B4GALNT4: variants seen among roughly 807,000 people sequenced by gnomAD.
B4GALNT4 encodes beta-1,4-N-acetyl-galactosaminyltransferase 4, also known as N-acetyl-beta-glucosaminyl-glycoprotein 4-beta-N-acetylgalactosaminyltransferase 1.
B4GALNT4 carries 77 observed loss-of-function variants against 110.0 expected under a neutral mutation model. The observed-to-expected ratio is 0.70, with a 90% CI of 0.58 to 0.85. The LOEUF (loss-of-function observed/expected upper bound fraction) is 0.85, where lower values mean the gene tolerates loss of function less well. B4GALNT4 is among the 40% of genes least tolerant of loss of function. The probability of loss-of-function intolerance (pLI) is 0.00; values close to 1 mark genes in which losing one functional copy is unlikely to be tolerated. For missense variants in B4GALNT4, 1,575 were observed against 1,506.0 expected (o/e 1.05, Z -0.76); for synonymous variants, 785 against 655.5 (o/e 1.20, Z -3.02).
intron 1 of B4GALNT4, among the ~76,000 whole-genome samples, chr11:370,408 G>A (rs1245243124): frequency 3.3e-5 from 5 of 151,874 alleles, no homozygotes; most frequent in Non-Finnish European, 7.4e-5. Flanking sequence ...CCCGGGCCGG[G>A]GCTTGCTGAA....
In B4GALNT4 at chr11:377,035, C is replaced by CG; in HGVS notation, c.1912_1913insG (p.Gln638ArgfsTer40). 6.9e-7 allele frequency: 1 copy of CG among 1,439,032 alleles called. No homozygotes were observed. The highest frequency in any genetic ancestry group is 9.1e-7 in the Non-Finnish European group (1 of 1,098,056). The allele number at this position is 1,439,032 out of a possible 1,614,324, so 89.1% of individuals were successfully genotyped here. On this transcript the variant is annotated frameshift_variant, in exon 14 of 20. Coordinates refer to ENST00000329962, the MANE Select transcript of B4GALNT4 (RefSeq NM_178537.5). LOFTEE classifies it high-confidence loss of function. ...GAGCTTGTCCCAGGTGTCCGGGCCG[C>CG]AGCTGCCCGGGGAGGGCGAAGAGGA... is the stretch of plus-strand genomic sequence containing the variant.
chr11:375,156 AGG>A, intron 8 of B4GALNT4, among the ~76,000 whole-genome samples: 1 of 24,424 alleles, frequency 4.1e-5, no homozygotes, highest in African/African-American at 1.8e-4. Flanking sequence ...GGGAGGAGGA[AGG>A]GAGGGAGGTG....
At chr11:381,081 C>T in intron 19 of B4GALNT4, 130 bp downstream of exon 19, 4 of 1,472,006 alleles carry the variant, frequency 2.7e-6, no homozygotes, top group Non-Finnish European at 3.6e-6. Flanking sequence ...CCGGTCTTCC[C>T]AGTATCCTGT....
chr11:377,416 A>T (rs1846782102), intron 14 of B4GALNT4, 89 bp downstream of exon 14: 1 of 1,355,172 alleles, frequency 7.4e-7, no homozygotes, highest in African/African-American at 1.5e-5. Flanking sequence ...GACTCCTCAG[A>T]CCTTCCCCAG....
At position 376,694 on chromosome 11, in the gene B4GALNT4, A is replaced by T. The variant is rs1233562718; in HGVS notation, c.1571A>T (p.Lys524Met). 9 of 1,424,166 alleles carry T rather than the reference A, an allele frequency of 6.3e-6. No individual in the cohort carries two copies. Among genetic ancestry groups the T allele is most frequent in the Non-Finnish European group, 8.2e-6 (9 of 1,094,276 alleles). 88.2% of individuals were successfully genotyped at this position (1,424,166 alleles called of 1,614,324 possible). ...CCTGCAGTGGAGCAGCCGCCCCCAA[A>T]GGTGTACGTGACCAGGGTGCGGCCG... is the stretch of plus-strand genomic sequence containing the variant. ...PRPAVEQPPPKVYVTRVRPGQ... is the reference protein window; with the variant it reads ...PRPAVEQPPPMVYVTRVRPGQ... Residue 524 changes from lysine to methionine, a missense_variant, in exon 14 of 20, where the codon AAG (lysine) becomes ATG (methionine). Coordinates refer to ENST00000329962, the MANE Select transcript of B4GALNT4 (RefSeq NM_178537.5).
chr11:372,717 T>C lies in B4GALNT4; in HGVS notation c.311T>C (p.Leu104Pro), dbSNP rs1320961998. 4.4e-6 allele frequency: 7 copies of C among 1,609,066 alleles called. No individual in the cohort carries two copies. The South Asian group carries it at 6.6e-5, about 15-fold the overall frequency. Residue 104 changes from leucine (L) to proline (P), a missense_variant, in exon 3 of 20, where the codon CTG becomes CCG. Leu to Pro is a moderately conservative substitution (Grantham distance 98). Transcript: ENST00000329962. ...CCTGGGGGGGCTGGGAGGCTGCCAC[T>C]GAACTTCACCCATCAGACACCCCCA... Reference protein sequence around the residue: ...LFPGGAGRLPLNFTHQTPPWR... With the variant: ...LFPGGAGRLPPNFTHQTPPWR...
At chr11:378,726 G>A (rs1031476435) in intron 14 of B4GALNT4, among the ~76,000 whole-genome samples, 3 of 152,072 alleles carry the variant, frequency 2.0e-5, no homozygotes, top group African/African-American at 7.2e-5. Context: ...GTTCTTGGCC[G>A]AGTGGAATGA....
Position 379,705 on chromosome 11 carries a change from C to T in B4GALNT4, c.2488+4C>T, listed in dbSNP as rs1193139994. 2 of 1,501,264 alleles carry T rather than the reference C, an allele frequency of 1.3e-6. No individual in the cohort carries two copies. Among genetic ancestry groups the T allele is most frequent in the Non-Finnish European group, 1.8e-6 (2 of 1,127,802 alleles). The allele number at this position is 1,501,264 out of a possible 1,614,324, so 93.0% of individuals were successfully genotyped here. A position where few individuals can be genotyped will look rare whatever the true frequency, so the allele number is the denominator to read the frequency against. ...ATGGTTCACTTCATCGTGCCAGGTT[C>T]GCAGGGCGGGCTCGGGGTGTCCGGG... On this transcript the variant is annotated splice_donor_region_variant and intron_variant, in intron 15 of 19. Coordinates refer to ENST00000329962, the MANE Select transcript of B4GALNT4 (RefSeq NM_178537.5).
intron 6 of B4GALNT4, 44 bp from the exon 7 acceptor site, chr11:373,405 T>C (rs761952761): frequency 1.8e-6 from 2 of 1,139,832 alleles, no homozygotes; most frequent in South Asian, 1.3e-5. Context: ...AGGGAGAGAG[T>C]GAACCCCCCC....
chr11:372,251 C>T (rs368667879), intron 2 of B4GALNT4, 39 bp downstream of exon 2: 454 of 1,528,146 alleles, frequency 3.0e-4, no homozygotes, highest in Non-Finnish European at 3.5e-4. Flanking sequence ...TGCACGGAGA[C>T]GAGACCCCGA....
Position 380,118 on chromosome 11 carries a change from C to G in B4GALNT4, c.2643-12C>G. 24 of 1,597,720 alleles carry G rather than the reference C, an allele frequency of 1.5e-5. No individual in the cohort carries two copies. The highest frequency in any genetic ancestry group is 2.0e-5 in the Non-Finnish European group (23 of 1,169,288). On this transcript the variant is annotated splice_polypyrimidine_tract_variant and intron_variant, in intron 16 of 19. Coordinates refer to ENST00000329962, the MANE Select transcript of B4GALNT4 (RefSeq NM_178537.5). ...ACCCCCAGAGATCGTGCCTGTGACT[C>G]GCCCTCCCCAGGTACCAGTACCTGA... is the stretch of plus-strand genomic sequence containing the variant.
intron 14 of B4GALNT4, 135 bp downstream of exon 14, chr11:377,462 C>A: frequency 1.0e-6 from 1 of 954,476 alleles, no homozygotes; most frequent in Non-Finnish European, 1.4e-6. Context: ...GCTGAGGCAC[C>A]GCGCCCCACC....
chr11:373,590 T>C, intron 7 of B4GALNT4, 74 bp downstream of exon 7: 1 of 1,553,064 alleles, frequency 6.4e-7, no homozygotes, highest in Non-Finnish European at 8.8e-7. Context: ...CTCCTTATCC[T>C]GTGCACACTT....
At position 379,807 on chromosome 11, in the gene B4GALNT4, G is replaced by A. The variant is rs533981083; in HGVS notation, c.2489-59G>A. 2,112 of 1,530,700 alleles carry A rather than the reference G, an allele frequency of 1.4e-3. 4 individuals are homozygous for A. Among genetic ancestry groups the A allele is most frequent in the Non-Finnish European group, 1.5e-3 (1,680 of 1,140,810 alleles). 94.8% of individuals were successfully genotyped at this position (1,530,700 alleles called of 1,614,324 possible). A position where few individuals can be genotyped will look rare whatever the true frequency, so the allele number is the denominator to read the frequency against. ...TCCGGGATGAAGTTCTTCGGAGCTG[G>A]GAGGCCCCACCGTAGAGTCAGCGTC... On this transcript the variant is annotated intron_variant, in intron 15 of 19. Coordinates refer to ENST00000329962, the MANE Select transcript of B4GALNT4 (RefSeq NM_178537.5).
intron 16 of B4GALNT4, 24 bp from the exon 17 acceptor site, chr11:380,106 G>C (rs770838237): frequency 8.2e-6 from 13 of 1,594,958 alleles, no homozygotes; most frequent in African/African-American, 2.7e-5. Flanking sequence ...CCCAGAGATC[G>C]TGCCTGTGAC....
Position 381,679 on chromosome 11 carries a change from G to T in B4GALNT4, c.3007G>T (p.Ala1003Ser). 1.4e-5 allele frequency: 22 copies of T among 1,591,714 alleles called. No individual in the cohort carries two copies. Among genetic ancestry groups the T allele is most frequent in the Non-Finnish European group, 1.9e-5 (22 of 1,170,456 alleles). ...TGCCCCCGGCCCCAGGGTCCTGCAG[G>T]CAGGGCTGGAGGTGGAGCGGCTCCG... ...DWELLDRVLQ[A>S]GLEVERLRLR... Residue 1003 changes from alanine to serine, a missense_variant, in exon 20 of 20, where the codon GCA (alanine) becomes TCA (serine). Transcript: ENST00000329962.
In B4GALNT4 at chr11:376,510, G is replaced by T. The variant is rs1340366376; in HGVS notation, c.1387G>T (p.Ala463Ser). The stretch of plus-strand genomic sequence containing the variant: ...GCCCAGGAGCGGCCCCCAGTCCCCC[G>T]CCCCAGCAGCCCCCGCCCAGCCCGG... ...APPRSGPQSP[A>S]PAAPAQPGAT... The change falls in exon 14 of 20, where the codon GCC (alanine) becomes TCC (serine). Residue 463 changes from alanine (A) to serine (S), a missense_variant. By Grantham distance (99) the Ala-to-Ser change is moderately conservative. Transcript: ENST00000329962. The T allele has an allele frequency of 7.7e-6, 9 of 1,172,120 alleles. No homozygotes were observed. The highest frequency in any genetic ancestry group is 8.9e-6 in the Non-Finnish European group (8 of 895,910). 72.6% of individuals were successfully genotyped at this position (1,172,120 alleles called of 1,614,324 possible).
chr11:381,975 G>A lies in B4GALNT4; in HGVS notation c.*183G>A. The A allele has an allele frequency of 1.6e-6, 1 of 631,608 alleles. No individual in the cohort carries two copies. Among genetic ancestry groups the A allele is most frequent in the South Asian group, 2.9e-5 (1 of 34,002 alleles). 39.1% of individuals were successfully genotyped at this position (631,608 alleles called of 1,614,324 possible). ...CCCGGAGAGGCAGCCTTCACGGCGGGTCAGGGCCTGGCCTTGGTCCCCACT... is the reference window on the plus strand; with the variant it reads ...CCCGGAGAGGCAGCCTTCACGGCGGATCAGGGCCTGGCCTTGGTCCCCACT... On this transcript the variant is annotated 3_prime_UTR_variant, in exon 20 of 20. Coordinates refer to ENST00000329962, the MANE Select transcript of B4GALNT4 (RefSeq NM_178537.5).
Position 372,225 on chromosome 11 carries a change from C to T in B4GALNT4, c.255+13C>T, listed in dbSNP as rs79491678. ...AGAGGAGCAAGCGGTGAGCAGAGCC[C>T]TGGGGAGAACACGTGTGCACGGAGA... On this transcript the variant is annotated intron_variant, in intron 2 of 19. Coordinates refer to ENST00000329962, the MANE Select transcript of B4GALNT4 (RefSeq NM_178537.5). 202,801 of 1,548,430 alleles carry T rather than the reference C, an allele frequency of 0.13. 14,848 individuals are homozygous for T. The highest frequency in any genetic ancestry group is 0.2 in the Admixed American group (10,270 of 50,970).
Sources: allele counts gnomAD v4.1 joint callset (sites outside exome capture counted in the v4.1 genomes callset), GRCh38; gene constraint gnomAD v4.1.1; transcripts MANE v1.5; gene names NCBI Gene and HGNC (gene_info 2026-07-23, HGNC 2026-07-21).